ARHGEF12: variants seen among roughly 807,000 people sequenced by gnomAD.
The protein encoded by ARHGEF12 is KMT2A/ARHGEF12 fusion protein.
ARHGEF12 carries 66 observed loss-of-function variants against 211.2 expected under a neutral mutation model. That is an observed-to-expected ratio of 0.31 (90% CI 0.26 to 0.38). The LOEUF (loss-of-function observed/expected upper bound fraction) is 0.38. ARHGEF12 is among the 10% of genes least tolerant of loss of function. The probability of loss-of-function intolerance (pLI) is 1.00; values close to 1 mark genes in which losing one functional copy is unlikely to be tolerated. For synonymous variants in ARHGEF12, 592 were observed against 638.4 expected, an observed-to-expected ratio of 0.93 and a Z score of 1.09; for missense variants, 1,429 against 1,869.5, an observed-to-expected ratio of 0.76 and a Z score of 4.34.
intron 1 of ARHGEF12, among the ~76,000 whole-genome samples, chr11:120,355,274 A>G (rs1248950535): frequency 2.0e-5 from 3 of 152,162 alleles, no homozygotes; most frequent in African/African-American, 7.2e-5. Context: ...CACCCAATAA[A>G]TTATTGTTGC....
chr11:120,435,499 G>T, intron 11 of ARHGEF12, among the ~76,000 whole-genome samples: 1 of 147,332 alleles, frequency 6.8e-6, no homozygotes, highest in East Asian at 2.0e-4. Flanking sequence ...TCATTATAAC[G>T]TCCCCTGTCA....
intron 40 of ARHGEF12, among the ~76,000 whole-genome samples, chr11:120,484,845 G>C (rs2136031861): frequency 6.6e-6 from 1 of 152,282 alleles, no homozygotes; most frequent in Admixed American, 6.5e-5. Context: ...GGAGGATTTG[G>C]CCTTATTGGA....
intron 1 of ARHGEF12, among the ~76,000 whole-genome samples, chr11:120,388,815 T>G (rs936144020): frequency 1.3e-5 from 2 of 152,152 alleles, no homozygotes; most frequent in Admixed American, 1.3e-4. Flanking sequence ...ATTATTGGGT[T>G]GTAAGAGTTC....
chr11:120,430,151 C>T (rs893964429), intron 10 of ARHGEF12, among the ~76,000 whole-genome samples: 3 of 151,584 alleles, frequency 2.0e-5, no homozygotes, highest in African/African-American at 7.3e-5. Flanking sequence ...TTCATTCTGC[C>T]ATCTTAAAAC....
chr11:120,435,260 T>C (rs552665407), intron 11 of ARHGEF12, among the ~76,000 whole-genome samples: 12 of 152,090 alleles, frequency 7.9e-5, no homozygotes, highest in Non-Finnish European at 1.8e-4. Context: ...AAACAATCCA[T>C]TTTCTAATTA....
intron 1 of ARHGEF12, 101 bp from the exon 2 acceptor site, chr11:120,406,017 G>A (rs1205260682): frequency 1.0e-5 from 9 of 881,998 alleles, no homozygotes; most frequent in Non-Finnish European, 1.4e-5. Context: ...GTTACCATAA[G>A]ATTTAAATCT....
At chr11:120,448,566 A>C in intron 20 of ARHGEF12, 1 of 540,146 alleles carries the variant, frequency 1.9e-6, no homozygotes, top group East Asian at 3.1e-5. Flanking sequence ...TGAAATTAGC[A>C]GTTTACAAAG....
intron 1 of ARHGEF12, among the ~76,000 whole-genome samples, chr11:120,399,347 A>AAAAAAAAAAAAAAAAAG (rs1565453341): frequency 6.7e-6 from 1 of 148,692 alleles, no homozygotes; most frequent in African/African-American, 2.5e-5. Flanking sequence ...AAAAAAAAAA[A>AAAAAAAAAAAAAAAAAG]AAAAGAAAAG....
At chr11:120,441,935 G>A in intron 14 of ARHGEF12, 118 bp downstream of exon 14, 1 of 967,766 alleles carries the variant, frequency 1.0e-6, no homozygotes, top group Non-Finnish European at 1.6e-6. Flanking sequence ...TATAAAGACA[G>A]ATACAAAAGA....
At chr11:120,388,493 A>G (rs1944108441) in intron 1 of ARHGEF12, among the ~76,000 whole-genome samples, 1 of 152,202 alleles carries the variant, frequency 6.6e-6, no homozygotes, top group South Asian at 2.1e-4. Flanking sequence ...CAGGAGTGGA[A>G]TGGCTGGATT....
In ARHGEF12 at chr11:120,478,349, T is replaced by C. The variant is rs1272396429; in HGVS notation, c.3726T>C (p.Pro1242=). The C allele has an allele frequency of 6.2e-7, 1 of 1,614,130 alleles. No homozygotes were observed. The highest frequency in any genetic ancestry group is 8.5e-7 in the Non-Finnish European group (1 of 1,180,040). ...YQIAIPDSHL[P]VSEERWALDA... is the part of the protein sequence containing the mutation. ...TCGCAATCCCAGATTCACACCTGCC[T>C]GTCTCAGAAGAACGGTGGGCATTGG... The change falls in exon 37 of 41, where the codon CCT becomes CCC. Residue 1242 remains proline (P), a synonymous_variant. Transcript: ENST00000397843.
intron 25 of ARHGEF12, 191 bp downstream of exon 25, chr11:120,458,425 T>C: frequency 1.8e-6 from 1 of 570,220 alleles, no homozygotes; most frequent in Non-Finnish European, 3.0e-6. Context: ...TTATTGATAA[T>C]TTAAAAGGAA....
intron 1 of ARHGEF12, among the ~76,000 whole-genome samples, chr11:120,384,852 A>C (rs1378579448): frequency 6.6e-6 from 1 of 151,814 alleles, no homozygotes; most frequent in African/African-American, 2.4e-5. Flanking sequence ...TTCTCTTTGA[A>C]GGGGTAATAC....
At chr11:120,394,653 A>G (rs1164154736) in intron 1 of ARHGEF12, among the ~76,000 whole-genome samples, 1 of 152,050 alleles carries the variant, frequency 6.6e-6, no homozygotes, top group Non-Finnish European at 1.5e-5. Context: ...GAAAATTAAT[A>G]AAATTATTAA....
chr11:120,448,756 C>G (rs1946119890), intron 20 of ARHGEF12: 1 of 277,220 alleles, frequency 3.6e-6, no homozygotes, highest in Non-Finnish European at 6.7e-6. Flanking sequence ...TGTATGAGTA[C>G]AAGGACCTTC....
At chr11:120,398,007 C>T (rs1356233526) in intron 1 of ARHGEF12, among the ~76,000 whole-genome samples, 1 of 151,990 alleles carries the variant, frequency 6.6e-6, no homozygotes, top group Non-Finnish European at 1.5e-5. Flanking sequence ...AAAGTTTATA[C>T]GTGTACTTCT....
intron 1 of ARHGEF12, among the ~76,000 whole-genome samples, chr11:120,399,478 C>T (rs1305049336): frequency 6.6e-6 from 1 of 151,700 alleles, no homozygotes; most frequent in Non-Finnish European, 1.5e-5. Context: ...TTTGGCAAAT[C>T]CTTGTCTGTT....
intron 1 of ARHGEF12, among the ~76,000 whole-genome samples, chr11:120,358,851 A>G (rs11217836): frequency 0.029 from 4,362 of 152,228 alleles, 224 homozygotes; most frequent in African/African-American, 0.1. Context: ...TTCTGCTTCA[A>G]GGTTTCTCAT....
chr11:120,459,397 T>A, intron 26 of ARHGEF12, 77 bp downstream of exon 26: 1 of 1,458,624 alleles, frequency 6.9e-7, no homozygotes, highest in South Asian at 1.3e-5. Flanking sequence ...ATTTTGTAAA[T>A]GTACCCATGT....
Sources: gnomAD v4.1 joint callset for allele counts (sites outside exome capture counted in the v4.1 genomes callset) on GRCh38, gnomAD v4.1.1 for gene constraint, MANE v1.5 for transcripts, NCBI Gene and HGNC (gene_info 2026-07-23, HGNC 2026-07-21) for gene names.